Variants in CSMD3 observed in about 807,000 individuals in gnomAD.
The protein encoded by CSMD3 is CUB and Sushi multiple domains 3.
CSMD3 carries 177 observed loss-of-function variants against 435.2 expected under a neutral mutation model. The ratio of observed to expected loss-of-function variants is 0.41; its 90% CI spans 0.36 to 0.46. CSMD3 has a LOEUF of 0.46. CSMD3 is among the 20% of genes least tolerant of loss of function. The pLI, the probability that CSMD3 is intolerant of heterozygous loss-of-function variation, is 0.34. For synonymous variants in CSMD3, 1,656 were observed against 1,520.5 expected, an observed-to-expected ratio of 1.09 and a Z score of -2.07; for missense variants, 4,265 against 4,504.6, an observed-to-expected ratio of 0.95 and a Z score of 1.52.
At chr8:113,312,477 C>A (rs2093877065) in intron 2 of CSMD3, 1 of 152,164 alleles carries the variant, frequency 6.6e-6, no homozygotes, top group African/African-American at 2.4e-5. Flanking sequence ...AGAATGAGAA[C>A]AATAAATTTA....
At chr8:113,134,600 T>C (rs2091367514) in intron 4 of CSMD3, among the ~76,000 whole-genome samples, 1 of 152,100 alleles carries the variant, frequency 6.6e-6, no homozygotes, top group Admixed American at 6.6e-5. Flanking sequence ...TGCACATACC[T>C]ATATTTATAT....
At chr8:112,268,767 A>G (rs993432158) in intron 59 of CSMD3, among the ~76,000 whole-genome samples, 9 of 152,132 alleles carry the variant, frequency 5.9e-5, no homozygotes, top group Non-Finnish European at 1.0e-4. Flanking sequence ...AGCCCAGAAC[A>G]GAGTTCTACT....
chr8:113,270,286 CG>C lies in CSMD3; in HGVS notation c.514+8305del, dbSNP rs1238982353. Among the ~76,000 whole-genome samples the C allele has an allele frequency of 5.4e-3, 434 of 80,484 alleles. 4 individuals carry two copies. Among genetic ancestry groups the C allele is most frequent in the African/African-American group, 0.025 (375 of 14,870 alleles). The allele number at this position is 80,484 out of a possible 152,430, so 52.8% of individuals were successfully genotyped here. A position where few individuals can be genotyped will look rare whatever the true frequency, so the allele number is the denominator to read the frequency against. On this transcript the variant is annotated intron_variant, in intron 3 of 70. Transcript: ENST00000297405. ...TACCATCTCACACCAGTTAGAATGG[CG>C]ATCATTAAAAAGTCGATCATTAAAA...
intron 23 of CSMD3, among the ~76,000 whole-genome samples, chr8:112,579,510 T>A (rs745497656): frequency 7.9e-5 from 12 of 152,068 alleles, no homozygotes; most frequent in Non-Finnish European, 1.3e-4. Context: ...AGTATTCCAA[T>A]AATTAGAAAA....
intron 37 of CSMD3, among the ~76,000 whole-genome samples, chr8:112,382,696 C>A (rs912321938): frequency 7.9e-5 from 12 of 151,988 alleles, no homozygotes; most frequent in Non-Finnish European, 1.3e-4. Context: ...CCTTTTAAAC[C>A]TCAATAAATC....
chr8:113,364,243 A>C (rs1014243923), intron 1 of CSMD3, among the ~76,000 whole-genome samples: 5 of 146,726 alleles, frequency 3.4e-5, no homozygotes, highest in African/African-American at 1.3e-4. Flanking sequence ...AATTAGACTA[A>C]ATTTTTTTTT....
At chr8:113,367,382 C>T (rs1588610645) in intron 1 of CSMD3, among the ~76,000 whole-genome samples, 1 of 151,968 alleles carries the variant, frequency 6.6e-6, no homozygotes, top group East Asian at 1.9e-4. Context: ...GCCAAATTTA[C>T]TTCATTTTTT....
rs139244101 is a variant in CSMD3, at chr8:113,084,065, A to C, written c.917+14691T>G. Among the ~76,000 whole-genome samples the C allele has an allele frequency of 5.5e-3, 834 of 152,308 alleles. 10 individuals are homozygous for C. Among genetic ancestry groups the C allele is most frequent in the African/African-American group, 0.019 (799 of 41,578 alleles). ...AAGACACAAGTATATGTAGCCTAGAAAACTCTTTTCTCTTATAAAGTCACA... is the reference window on the plus strand; with the variant it reads ...AAGACACAAGTATATGTAGCCTAGACAACTCTTTTCTCTTATAAAGTCACA... On this transcript the variant is annotated intron_variant, in intron 5 of 70. Coordinates refer to ENST00000297405, the MANE Select transcript of CSMD3 (RefSeq NM_198123.2).
intron 6 of CSMD3, among the ~76,000 whole-genome samples, chr8:112,982,161 T>C (rs1487435677): frequency 2.6e-5 from 4 of 151,892 alleles, no homozygotes; most frequent in African/African-American, 4.8e-5. Context: ...GTTTCTCCGA[T>C]GTGTAGAGGT....
At chr8:113,424,095 A>T (rs1363590111) in intron 1 of CSMD3, among the ~76,000 whole-genome samples, 1 of 151,794 alleles carries the variant, frequency 6.6e-6, no homozygotes, top group Non-Finnish European at 1.5e-5. Context: ...GTACTTTTGT[A>T]GTTCTGAAGT....
chr8:112,584,935 C>T (rs185807662), intron 23 of CSMD3, among the ~76,000 whole-genome samples: 9 of 151,734 alleles, frequency 5.9e-5, no homozygotes, highest in African/African-American at 1.9e-4. Flanking sequence ...TTAGGCTCTA[C>T]AATTTTTGAG....
chr8:112,724,015 G>A (rs563712444), intron 13 of CSMD3, among the ~76,000 whole-genome samples: 49 of 151,998 alleles, frequency 3.2e-4, no homozygotes, highest in Non-Finnish European at 6.3e-4. Flanking sequence ...TCATATTTCA[G>A]TGTAGAGAGA....
chr8:113,305,498 T>G (rs191757173), intron 2 of CSMD3, among the ~76,000 whole-genome samples: 16 of 152,324 alleles, frequency 1.1e-4, no homozygotes, highest in Admixed American at 3.9e-4. Flanking sequence ...AAAGATTGAA[T>G]AAATATAATC....
chr8:113,202,761 G>T (rs539801703), intron 3 of CSMD3, among the ~76,000 whole-genome samples: 1 of 152,132 alleles, frequency 6.6e-6, no homozygotes, highest in African/African-American at 2.4e-5. Context: ...CAATTTGGAC[G>T]CAATGTAAAA....
Position 112,314,531 on chromosome 8 carries a change from T to C in CSMD3, c.7447A>G (p.Met2483Val). ...TCCACTGAAATGCTCCATGCACACA[T>C]TTGAAGATTTGGGTAACTGTCAGGA... ...GYPDSYPNLQ[M>V]CAWSISVEKG... Residue 2483 changes from methionine (M) to valine (V), a missense_variant, in exon 48 of 71, where the codon ATG becomes GTG. Physicochemically the swap from Met to Val is conservative, Grantham distance 21 (BLOSUM62 1). This residue lies in a region of CSMD3 where 3,255 missense variants were observed against 3,380.2 expected (regional missense o/e 0.96). Transcript: ENST00000297405. 6.2e-7 allele frequency: 1 copy of C among 1,611,694 alleles called. No individual in the cohort carries two copies. The highest frequency in any genetic ancestry group is 1.7e-4 in the Middle Eastern group (1 of 6,056).
intron 27 of CSMD3, among the ~76,000 whole-genome samples, chr8:112,522,876 T>C (rs534690607): frequency 1.3e-5 from 2 of 151,912 alleles, no homozygotes; most frequent in African/African-American, 2.4e-5. Context: ...ACTGGAAATA[T>C]GCACTTCACT....
chr8:112,232,436 C>T (rs1007849127), intron 68 of CSMD3, among the ~76,000 whole-genome samples: 1 of 152,064 alleles, frequency 6.6e-6, no homozygotes, highest in African/African-American at 2.4e-5. Flanking sequence ...GGTAAAACCC[C>T]CGTCTCTACT....
intron 4 of CSMD3, among the ~76,000 whole-genome samples, chr8:113,103,143 C>A (rs1166870177): frequency 6.6e-6 from 1 of 152,098 alleles, no homozygotes; most frequent in East Asian, 1.9e-4. Flanking sequence ...ATCAGAACAT[C>A]CATCTTAGGC....
chr8:112,500,907 G>A (rs1283912031), intron 30 of CSMD3, among the ~76,000 whole-genome samples: 2 of 151,538 alleles, frequency 1.3e-5, no homozygotes, highest in Non-Finnish European at 2.9e-5. Flanking sequence ...TTTTGCATAA[G>A]ATTAGGGTGG....
Sources: gnomAD v4.1 joint callset for allele counts (sites outside exome capture counted in the v4.1 genomes callset) on GRCh38, gnomAD v4.1.1 for gene constraint, gnomAD v4.1.1 regional missense constraint, MANE v1.5 for transcripts, NCBI Gene and HGNC (gene_info 2026-07-23, HGNC 2026-07-21) for gene names.